Variants in OFD1 observed in about 807,000 individuals in gnomAD.
The protein encoded by OFD1 is centriole and centriolar satellite protein OFD1.
Under a neutral mutation model 81.4 loss-of-function variants are expected in OFD1, and 12 were observed. The observed-to-expected ratio is 0.15, with a 90% CI of 0.09 to 0.24. OFD1 has a LOEUF of 0.24. Ranked by LOEUF, OFD1 falls within the 10% of genes least tolerant of loss-of-function variation. OFD1 has a pLI of 1.00. For synonymous variants in OFD1, 256 were observed against 263.7 expected (o/e 0.97, Z 0.28); for missense variants, 685 against 733.9 (o/e 0.93, Z 0.77).
chrX:13,719,228 T>C, the OFD1 span, among the ~76,000 whole-genome samples: 2 of 87,558 alleles, frequency 2.3e-5, no homozygotes, highest in African/African-American at 8.9e-5. Flanking sequence ...TCTTAAAATA[T>C]ATGGTCCATT....
chrX:13,747,172 A>G (rs73197716), intron 8 of OFD1, among the ~76,000 whole-genome samples: 28 of 112,108 alleles, frequency 2.5e-4, no homozygotes, highest in Non-Finnish European at 3.9e-4. Context: ...GAGGTGAACA[A>G]TCAAGTTGGG....
chrX:13,753,452 G>C lies in OFD1; in HGVS notation c.1129+11G>C, dbSNP rs754508937. ...AAAGGAAGAATAAAGGTGATGTTTG[G>C]GGGGAAAATAAGCTGTATTTTTCAG... On this transcript the variant is annotated intron_variant, in intron 11 of 22. Coordinates refer to ENST00000340096, the MANE Select transcript of OFD1 (RefSeq NM_003611.3). The C allele has an allele frequency of 1.3e-5, 16 of 1,205,703 alleles. No homozygotes were observed. Among genetic ancestry groups the C allele is most frequent in the East Asian group, 3.0e-5 (1 of 33,743 alleles).
upstream of OFD1, among the ~76,000 whole-genome samples, chrX:13,731,604 C>T (rs1267471519): frequency 1.8e-5 from 2 of 111,744 alleles, no homozygotes; most frequent in East Asian, 2.8e-4. Flanking sequence ...AGAGCAGATA[C>T]ACCATTCGTC....
intron 19 of OFD1, among the ~76,000 whole-genome samples, chrX:13,766,421 G>A (rs1045645643): frequency 5.4e-5 from 6 of 111,797 alleles, no homozygotes; most frequent in African/African-American, 1.6e-4. Flanking sequence ...TCGAAGGACC[G>A]GGATGATCAT....
chrX:13,767,605 G>T (rs1002956000), intron 20 of OFD1, among the ~76,000 whole-genome samples: 1 of 112,331 alleles, frequency 8.9e-6, no homozygotes, highest in African/African-American at 3.2e-5. Context: ...TTAAAGAAGA[G>T]ACTGTCAGTG....
chrX:13,752,709 A>G (rs1031752610), intron 10 of OFD1: 3 of 970,137 alleles, frequency 3.1e-6, no homozygotes, highest in African/African-American at 2.0e-5. Context: ...GACAGCTTCC[A>G]CAGGCTGCAT....
chrX:13,734,772 C>T lies in OFD1; in HGVS notation c.-300C>T, dbSNP rs1192855557. 2 of 1,058,962 alleles carry T rather than the reference C, an allele frequency of 1.9e-6. No individual in the cohort carries two copies. The highest frequency in any genetic ancestry group is 2.4e-6 in the Non-Finnish European group (2 of 826,524). 87.3% of individuals were successfully genotyped at this position (1,058,962 alleles called of 1,213,427 possible). ...GACTGGCTGTGAGGCGGTCCTGCCT[C>T]GCTGCCTTCAGTCCCTAGTGTCTGG... On this transcript the variant is annotated 5_prime_UTR_variant, in exon 1 of 23. Coordinates refer to ENST00000340096, the MANE Select transcript of OFD1 (RefSeq NM_003611.3).
At chrX:13,735,136 T>G in intron 1 of OFD1, 53 bp downstream of exon 1, 1 of 1,208,627 alleles carries the variant, frequency 8.3e-7, no homozygotes, top group Admixed American at 2.2e-5. Context: ...TTTGTGTTCG[T>G]TAAACTTTCG....
At position 13,769,283 on chromosome X, in the gene OFD1, C is replaced by G; in HGVS notation, c.*175C>G. On this transcript the variant is annotated 3_prime_UTR_variant, in exon 23 of 23. Transcript: ENST00000340096. Reference sequence around the variant, plus strand: ...CCATAGTGTGTGAACCAAGAATAATCTAGTCACGTGAAACCTCTTCTCCAG... The same window carrying G: ...CCATAGTGTGTGAACCAAGAATAATGTAGTCACGTGAAACCTCTTCTCCAG... 1 of 465,609 alleles carries G rather than the reference C, an allele frequency of 2.1e-6. No individual in the cohort carries two copies. The highest frequency in any genetic ancestry group is 3.5e-5 in the East Asian group (1 of 28,348). The allele number at this position is 465,609 out of a possible 1,213,427, so 38.4% of individuals were successfully genotyped here.
chrX:13,755,304 T>C (rs910419591), intron 12 of OFD1, 62 bp downstream of exon 12: 9 of 812,052 alleles, frequency 1.1e-5, no homozygotes, highest in Non-Finnish European at 1.7e-5. Flanking sequence ...ATTTTAGTCA[T>C]ACATAATTTA....
rs1321807601 is a variant in OFD1, at chrX:13,734,839, C to T, written c.-233C>T. ...CGCCTTTGAGTCGTGCCTGGGTCCT[C>T]GCCCTTGCCTCAGAACCGCGAAGAA... On this transcript the variant is annotated 5_prime_UTR_variant, in exon 1 of 23. Transcript: ENST00000340096. The T allele has an allele frequency of 7.7e-5, 83 of 1,081,399 alleles. No individual in the cohort carries two copies. Among genetic ancestry groups the T allele is most frequent in the Non-Finnish European group, 9.7e-5 (81 of 839,373 alleles). 89.1% of individuals were successfully genotyped at this position (1,081,399 alleles called of 1,213,427 possible). A position where few individuals can be genotyped will look rare whatever the true frequency, so the allele number is the denominator to read the frequency against.
chrX:13,748,791 T>C (rs1402729200), intron 8 of OFD1, among the ~76,000 whole-genome samples: 1 of 111,447 alleles, frequency 9.0e-6, no homozygotes, highest in Non-Finnish European at 1.9e-5. Flanking sequence ...ATGTACATTT[T>C]GCTTAATTTT....
chrX:13,716,812 C>A, the OFD1 span: 2 of 505,341 alleles, frequency 4.0e-6, no homozygotes, highest in South Asian at 7.1e-5. Flanking sequence ...TTGTTATTGT[C>A]ATGAGACTTA....
At chrX:13,745,836 G>A (rs1273959058) in intron 6 of OFD1, among the ~76,000 whole-genome samples, 1 of 111,885 alleles carries the variant, frequency 8.9e-6, no homozygotes, top group Non-Finnish European at 1.9e-5. Flanking sequence ...AGCTATATCA[G>A]CATTTGTTCT....
the OFD1 span, chrX:13,721,958 C>T: frequency 9.1e-6 from 1 of 109,854 alleles, no homozygotes; most frequent in Non-Finnish European, 1.9e-5. Flanking sequence ...ATGTTTGCCC[C>T]TGTTTTAGGG....
downstream of OFD1, chrX:13,772,061 G>A (rs946599498): frequency 8.9e-6 from 1 of 112,265 alleles, no homozygotes; most frequent in Non-Finnish European, 1.9e-5. Context: ...TTCTGTGAAA[G>A]ATATTTGGGT....
the OFD1 span, chrX:13,716,553 C>T: frequency 1.5e-5 from 18 of 1,209,832 alleles, no homozygotes; most frequent in African/African-American, 3.5e-5. Flanking sequence ...TGACAAATGC[C>T]GACACAAACC....
At chrX:13,749,261 A>G (rs2047414435) in intron 8 of OFD1, among the ~76,000 whole-genome samples, 166 bp from the exon 9 acceptor site, 1 of 112,094 alleles carries the variant, frequency 8.9e-6, no homozygotes, top group South Asian at 3.7e-4. Context: ...TTTTTATGCA[A>G]CTAGAATACG....
chrX:13,733,588 A>T (rs965674788), upstream of OFD1, among the ~76,000 whole-genome samples: 1 of 111,868 alleles, frequency 8.9e-6, no homozygotes, highest in African/African-American at 3.3e-5. Context: ...AGTTTTTCAC[A>T]GCCAGAGATC....
Sources: allele counts gnomAD v4.1 joint callset (sites outside exome capture counted in the v4.1 genomes callset), GRCh38; gene constraint gnomAD v4.1.1; transcripts MANE v1.5; gene names NCBI Gene and HGNC (gene_info 2026-07-23, HGNC 2026-07-21).